The following SMARCA2 variants were observed in gnomAD, a reference collection of about 807,000 sequenced individuals.
SMARCA2 encodes SWI/SNF-related matrix-associated actin-dependent regulator of chromatin subfamily A member 2.
Under a neutral mutation model 199.8 loss-of-function variants are expected in SMARCA2, and 61 were observed. That is an observed-to-expected ratio of 0.31 (90% CI 0.25 to 0.38). The LOEUF (loss-of-function observed/expected upper bound fraction) is 0.38, where lower values mean the gene tolerates loss of function less well. Among genes scored for constraint, SMARCA2 ranks in the 10% least tolerant of loss-of-function variants. SMARCA2 has a pLI of 1.00. For synonymous variants in SMARCA2, 935 were observed against 732.0 expected (o/e 1.28, Z -4.48); for missense variants, 1,344 against 2,012.2 (o/e 0.67, Z 6.35).
intron 32 of SMARCA2, among the ~76,000 whole-genome samples, chr9:2,189,130 C>T (rs951564998): frequency 3.3e-5 from 5 of 152,182 alleles, no homozygotes; most frequent in African/African-American, 1.2e-4. Flanking sequence ...ATTCCTTTTG[C>T]CATGTAATAT....
intron 27 of SMARCA2, chr9:2,160,699 G>A (rs1004056974): frequency 1.4e-5 from 9 of 656,500 alleles, no homozygotes; most frequent in Non-Finnish European, 2.2e-5. Flanking sequence ...AATATTGAGA[G>A]GCAGGAGGAA....
intron 31 of SMARCA2, among the ~76,000 whole-genome samples, chr9:2,185,839 A>G (rs1313685565): frequency 1.3e-5 from 2 of 152,200 alleles, no homozygotes; most frequent in Admixed American, 6.5e-5. Flanking sequence ...CAATATGAGG[A>G]TATTTTATCT....
intron 32 of SMARCA2, among the ~76,000 whole-genome samples, chr9:2,187,678 A>AAAAAAAATTTTAAATATAATTAATAAAT (rs1401086162): frequency 6.7e-6 from 1 of 149,212 alleles, no homozygotes; most frequent in Non-Finnish European, 1.5e-5. Context: ...CTCTATCTAA[A>AAAAAAAATTTTAAATATAATTAATAAAT]AAAAAAATTT....
At chr9:2,097,067 C>T (rs1822303472) in intron 20 of SMARCA2, 5 of 494,136 alleles carry the variant, frequency 1.0e-5, no homozygotes, top group Admixed American at 3.6e-5. Context: ...AATCCAGTTT[C>T]ACTCCCTGGG....
chr9:2,070,929 A>G (rs962777274), intron 10 of SMARCA2, among the ~76,000 whole-genome samples: 2 of 152,234 alleles, frequency 1.3e-5, no homozygotes, highest in African/African-American at 4.8e-5. Flanking sequence ...GGCTTGCCAT[A>G]TAGCTTCTAT....
rs538455456 is a variant in SMARCA2 at position 2,084,328 on chromosome 9, A to T, written c.2526+132A>T. The T allele has an allele frequency of 1.4e-5, 8 of 577,468 alleles. No homozygotes were observed. In the East Asian group the frequency reaches 2.3e-4, roughly 17 times the overall value. 35.8% of individuals were successfully genotyped at this position (577,468 alleles called of 1,614,324 possible). A position where few individuals can be genotyped will look rare whatever the true frequency, so the allele number is the denominator to read the frequency against. ...TTCTTTATTTTTCTAAAATTTTTTCAGAGTTTGATATGTTTTGGTCGTGGA... is the reference window on the plus strand; with the variant it reads ...TTCTTTATTTTTCTAAAATTTTTTCTGAGTTTGATATGTTTTGGTCGTGGA... On this transcript the variant is annotated intron_variant, in intron 17 of 33. Transcript: ENST00000349721.
At chr9:2,101,911 A>G (rs962334359) in intron 22 of SMARCA2, among the ~76,000 whole-genome samples, 1 of 152,216 alleles carries the variant, frequency 6.6e-6, no homozygotes, top group Non-Finnish European at 1.5e-5. Context: ...ATTTATAACC[A>G]AAAGTATAGC....
rs746908663 is a variant in SMARCA2, at chr9:2,182,146, G to C, written c.4365G>C (p.Arg1455Ser). 6.2e-7 allele frequency: 1 copy of C among 1,602,002 alleles called. No homozygotes were observed. The highest frequency in any genetic ancestry group is 8.6e-7 in the Non-Finnish European group (1 of 1,169,584). Residue 1455 changes from arginine (R) to serine (S), a missense_variant, in exon 31 of 34, where the codon AGG (arginine) becomes AGC (serine). Physicochemically the swap from Arg to Ser is moderately radical, Grantham distance 110. This residue lies in a region of SMARCA2 where 151 missense variants were observed against 154.0 expected (regional missense o/e 0.98). Coordinates refer to ENST00000349721, the MANE Select transcript of SMARCA2 (RefSeq NM_003070.5). Reference sequence around the variant, plus strand: ...TTCTCCAAAATTTCCATCAGGAAAGGATTCGTAATCATAAGTACCGGAGCC... The same window carrying C: ...TTCTCCAAAATTTCCATCAGGAAAGCATTCGTAATCATAAGTACCGGAGCC... ...KPVDFKKIKE[R>S]IRNHKYRSLG...
chr9:2,118,210 C>T lies in SMARCA2; in HGVS notation c.3685-1248C>T, dbSNP rs1370346021. ...TACCAGATATTTTGTACTGTGAAGT[C>T]TGAACCCACTCCCAGCTAGTCTGTG... On this transcript the variant is annotated intron_variant, in intron 25 of 33. Transcript: ENST00000349721. 3.3e-5 allele frequency among the ~76,000 whole-genome samples: 5 copies of T among 152,310 alleles called. No homozygotes were observed. The East Asian group carries it at 7.7e-4, about 23-fold the overall frequency.
intron 32 of SMARCA2, 66 bp downstream of exon 32, chr9:2,186,294 A>G: frequency 6.6e-7 from 1 of 1,508,510 alleles, no homozygotes; most frequent in Non-Finnish European, 9.0e-7. Flanking sequence ...GTCTCCACAG[A>G]TGTTCACAGA....
chr9:2,060,910 A>G lies in SMARCA2; in HGVS notation c.1616A>G (p.Asn539Ser), dbSNP rs1329698875. 1.2e-6 allele frequency: 2 copies of G among 1,614,040 alleles called. No homozygotes were observed. Among genetic ancestry groups the G allele is most frequent in the East Asian group, 2.2e-5 (1 of 44,888 alleles). ...CAGCAGACCGATGAGTATGTAGCCAATCTGACCAATCTGGTTTGGGAGCAC... is the reference window on the plus strand; with the variant it reads ...CAGCAGACCGATGAGTATGTAGCCAGTCTGACCAATCTGGTTTGGGAGCAC... ...LLQQTDEYVA[N>S]LTNLVWEHKQ... The change falls in exon 9 of 34, where the codon AAT (asparagine) becomes AGT (serine). Residue 539 changes from asparagine to serine, a missense_variant. By Grantham distance (46) the Asn-to-Ser change is conservative. Around this residue, in one of 18 missense-constraint regions of SMARCA2, gnomAD observed 68 missense variants for 70.4 expected, o/e 0.97. Coordinates refer to ENST00000349721, the MANE Select transcript of SMARCA2 (RefSeq NM_003070.5).
At chr9:2,155,708 GA>G (rs970836053) in intron 27 of SMARCA2, among the ~76,000 whole-genome samples, 1 of 123,236 alleles carries the variant, frequency 8.1e-6, no homozygotes, top group Admixed American at 9.5e-5. Flanking sequence ...GGCATATGGG[GA>G]AAGAGAAAAC....
intron 27 of SMARCA2, among the ~76,000 whole-genome samples, chr9:2,138,745 A>T (rs1824325804): frequency 6.6e-6 from 1 of 152,138 alleles, no homozygotes; most frequent in African/African-American, 2.4e-5. Context: ...GAGTCATGAA[A>T]TGGGGAAAGG....
At position 2,170,480 on chromosome 9, in the gene SMARCA2, T is replaced by C; in HGVS notation, c.4253+8T>C. The C allele has an allele frequency of 6.2e-7, 1 of 1,614,080 alleles. No homozygotes were observed. Among genetic ancestry groups the C allele is most frequent in the Non-Finnish European group, 8.5e-7 (1 of 1,179,946 alleles). ...GGAAATAGAAGGAAACAGGTCAGGA[T>C]CTGTCTTGTATTCCCCTATCTCTAA... is the stretch of plus-strand genomic sequence containing the variant. On this transcript the variant is annotated splice_region_variant and intron_variant, in intron 29 of 33. Coordinates refer to ENST00000349721, the MANE Select transcript of SMARCA2 (RefSeq NM_003070.5). The surrounding 1 kb of genome is among the most constrained non-coding windows in gnomAD (Gnocchi z 4.7).
Position 2,061,057 on chromosome 9 carries a change from C to T in SMARCA2, c.1692+71C>T, listed in dbSNP as rs977342626. ...GGATAAGTTTTTAAGGCGAGTATTG[C>T]TCTTTAAGTACTACTTCTTACACTG... On this transcript the variant is annotated intron_variant, in intron 9 of 33. Transcript: ENST00000349721. 44 of 1,397,526 alleles carry T rather than the reference C, an allele frequency of 3.1e-5. No individual in the cohort carries two copies. The African/African-American group carries it at 5.9e-4, about 19-fold the overall frequency. The allele number at this position is 1,397,526 out of a possible 1,614,324, so 86.6% of individuals were successfully genotyped here.
intron 24 of SMARCA2, among the ~76,000 whole-genome samples, chr9:2,111,557 T>TA (rs2130584300): frequency 6.6e-6 from 1 of 151,578 alleles, no homozygotes; most frequent in Non-Finnish European, 1.5e-5. Context: ...GTATGAATTC[T>TA]ACATCAGCTT....
At chr9:2,045,029 A>C (rs1819777599) in intron 4 of SMARCA2, 1 of 152,190 alleles carries the variant, frequency 6.6e-6, no homozygotes, top group Non-Finnish European at 1.5e-5. Flanking sequence ...ACTATACCTC[A>C]AGGAGTCTTC....
chr9:2,176,511 G>A (rs562116920), intron 29 of SMARCA2, among the ~76,000 whole-genome samples: 1 of 151,920 alleles, frequency 6.6e-6, no homozygotes, highest in African/African-American at 2.4e-5. Flanking sequence ...GGTAACTCAG[G>A]GACATTATTT....
chr9:2,166,152 C>A (rs1487665223), intron 28 of SMARCA2, among the ~76,000 whole-genome samples: 3 of 152,238 alleles, frequency 2.0e-5, no homozygotes, highest in Non-Finnish European at 4.4e-5. Context: ...ATATCTACCT[C>A]AGGACATTGT....
Sources: allele counts gnomAD v4.1 joint callset (sites outside exome capture counted in the v4.1 genomes callset), GRCh38; gene constraint gnomAD v4.1.1; regional missense constraint gnomAD v4.1.1; non-coding constraint Gnocchi (gnomAD v3.1); transcripts MANE v1.5; gene names NCBI Gene and HGNC (gene_info 2026-07-23, HGNC 2026-07-21).